ADAMTSL1: variants seen among roughly 807,000 people sequenced by gnomAD.
ADAMTSL1 encodes ADAMTS like 1.
ADAMTSL1 carries 126 observed loss-of-function variants against 201.8 expected under a neutral mutation model. The observed-to-expected ratio is 0.62, with a 90% CI of 0.54 to 0.72. The LOEUF is 0.72. Ranked by LOEUF, ADAMTSL1 falls within the 30% of genes least tolerant of loss-of-function variation. The pLI, the probability that ADAMTSL1 is intolerant of heterozygous loss-of-function variation, is 0.00. For missense variants in ADAMTSL1, 2,679 were observed against 2,277.8 expected, an observed-to-expected ratio of 1.18 and a Z score of -3.59; for synonymous variants, 1,121 against 903.4, an observed-to-expected ratio of 1.24 and a Z score of -4.32.
Position 18,126,922 on chromosome 9 carries a change from A to G in ADAMTSL1, c.88-36940A>G, listed in dbSNP as rs114757642. Among the ~76,000 whole-genome samples the G allele has an allele frequency of 1.9e-3, 290 of 152,302 alleles. 2 individuals carry two copies. Among genetic ancestry groups the G allele is most frequent in the African/African-American group, 6.8e-3 (281 of 41,560 alleles). On this transcript the variant is annotated intron_variant, in intron 1 of 29. Transcript: ENST00000680146. ...TTTCCTACACAACATTTTTTAGTTT[A>G]TCATCGGTGGTAAGCATCATCGTAA...
intron 22 of ADAMTSL1, among the ~76,000 whole-genome samples, chr9:18,828,790 C>G (rs1232379283): frequency 6.7e-6 from 1 of 149,896 alleles, no homozygotes; most frequent in Non-Finnish European, 1.5e-5. Flanking sequence ...CTTTGTCAGT[C>G]AGACAGAAAG....
chr9:18,045,551 A>G (rs534669917), intron 1 of ADAMTSL1, among the ~76,000 whole-genome samples: 1 of 152,284 alleles, frequency 6.6e-6, no homozygotes, highest in East Asian at 1.9e-4. Context: ...ATGCTTATTA[A>G]ATTAGATGAA....
chr9:18,389,918 A>G (rs1157652600), intron 2 of ADAMTSL1, among the ~76,000 whole-genome samples: 1 of 152,134 alleles, frequency 6.6e-6, no homozygotes, highest in Non-Finnish European at 1.5e-5. Context: ...GTCTTTTTAC[A>G]GTGATAAGTC....
intron 23 of ADAMTSL1, among the ~76,000 whole-genome samples, chr9:18,844,484 G>T (rs557234461): frequency 6.6e-6 from 1 of 152,200 alleles, no homozygotes; most frequent in Admixed American, 6.5e-5. Context: ...CGGGGGTCAG[G>T]GGTCAGGGAC....
chr9:18,853,635 A>G (rs777299804), intron 23 of ADAMTSL1, among the ~76,000 whole-genome samples: 12 of 152,208 alleles, frequency 7.9e-5, no homozygotes, highest in Non-Finnish European at 1.5e-4. Flanking sequence ...AGGAAGGGCT[A>G]TTATCATTTA....
chr9:18,693,970 G>T (rs981057086), intron 13 of ADAMTSL1, among the ~76,000 whole-genome samples: 3 of 152,168 alleles, frequency 2.0e-5, no homozygotes, highest in African/African-American at 7.2e-5. Context: ...AGTTCCACAG[G>T]CTGTGCAGGA....
chr9:18,029,749 A>G (rs542213792), intron 1 of ADAMTSL1, among the ~76,000 whole-genome samples: 48 of 152,360 alleles, frequency 3.2e-4, no homozygotes, highest in Non-Finnish European at 6.5e-4. Flanking sequence ...ATATGAATAG[A>G]CACTTCTCAA....
Position 18,494,327 on chromosome 9 carries a change from G to C in ADAMTSL1, c.64-10502G>C, listed in dbSNP as rs1822416329. Among the ~76,000 whole-genome samples, 7 of 150,452 alleles carry C rather than the reference G, an allele frequency of 4.7e-5. No individual in the cohort carries two copies. In the South Asian group the frequency reaches 1.5e-3, roughly 32 times the overall value. ...GCTGAGATCACACGACTGCACTCCAGTCTGGGTGACAGACTGTCTCAAAAA... is the reference window on the plus strand; with the variant it reads ...GCTGAGATCACACGACTGCACTCCACTCTGGGTGACAGACTGTCTCAAAAA... On this transcript the variant is annotated intron_variant, in intron 1 of 28. Transcript: ENST00000380548.
intron 1 of ADAMTSL1, among the ~76,000 whole-genome samples, chr9:17,919,474 C>T (rs1826223681): frequency 1.3e-5 from 2 of 151,902 alleles, no homozygotes; most frequent in Non-Finnish European, 2.9e-5. Flanking sequence ...TTTATATCAC[C>T]CCCTTACTTC....
intron 2 of ADAMTSL1, among the ~76,000 whole-genome samples, chr9:18,200,639 C>A (rs1479738453): frequency 6.6e-6 from 1 of 151,900 alleles, no homozygotes; most frequent in Admixed American, 6.6e-5. Flanking sequence ...ACCTCTCCTG[C>A]TTTTCTCTTT....
intron 5 of ADAMTSL1, 22 bp downstream of exon 5, chr9:18,622,391 G>A (rs995955708): frequency 1.2e-5 from 19 of 1,613,898 alleles, no homozygotes; most frequent in East Asian, 2.2e-5. Context: ...AGAGATGGGC[G>A]ACCTTTGGAC....
At chr9:18,354,777 G>A (rs917732016) in intron 2 of ADAMTSL1, among the ~76,000 whole-genome samples, 3 of 152,116 alleles carry the variant, frequency 2.0e-5, no homozygotes, top group Non-Finnish European at 2.9e-5. Context: ...AGACCAGTCT[G>A]GCCAACGTAT....
chr9:18,366,597 T>C (rs1353402851), intron 2 of ADAMTSL1, among the ~76,000 whole-genome samples: 3 of 149,854 alleles, frequency 2.0e-5, no homozygotes, highest in Non-Finnish European at 4.4e-5. Flanking sequence ...AACACTATTA[T>C]TTAAATGGAT....
chr9:18,729,318 T>A (rs1818077077), intron 15 of ADAMTSL1, among the ~76,000 whole-genome samples: 1 of 152,184 alleles, frequency 6.6e-6, no homozygotes, highest in Non-Finnish European at 1.5e-5. Flanking sequence ...GGAACAATTC[T>A]AATCAGAAAA....
intron 2 of ADAMTSL1, among the ~76,000 whole-genome samples, chr9:18,434,066 A>G (rs1819614714): frequency 6.6e-6 from 1 of 152,242 alleles, no homozygotes; most frequent in African/African-American, 2.4e-5. Flanking sequence ...CCTACACAGG[A>G]AGAATAGCTC....
At chr9:18,889,777 TC>T in intron 25 of ADAMTSL1, 29 bp downstream of exon 25, 7 of 1,425,980 alleles carry the variant, frequency 4.9e-6, no homozygotes, top group Non-Finnish European at 6.4e-6. Context: ...GGCTCAGACC[TC>T]CCCACCCTAG....
intron 14 of ADAMTSL1, among the ~76,000 whole-genome samples, chr9:18,716,326 G>T (rs922671279): frequency 6.6e-6 from 1 of 151,310 alleles, no homozygotes; most frequent in Admixed American, 6.6e-5. Flanking sequence ...GAAAATTTTC[G>T]CAACCTACTC....
chr9:18,519,606 C>T (rs1818562327), intron 2 of ADAMTSL1, among the ~76,000 whole-genome samples: 1 of 152,192 alleles, frequency 6.6e-6, no homozygotes, highest in Admixed American at 6.5e-5. Flanking sequence ...TAAATAATAA[C>T]TTTGATAAGA....
At chr9:18,420,765 G>T (rs1278424664) in intron 2 of ADAMTSL1, among the ~76,000 whole-genome samples, 2 of 152,296 alleles carry the variant, frequency 1.3e-5, no homozygotes, top group Admixed American at 6.5e-5. Context: ...AATCCTTCAA[G>T]ACACTTTAAA....
Sources: allele counts gnomAD v4.1 joint callset (sites outside exome capture counted in the v4.1 genomes callset), GRCh38; gene constraint gnomAD v4.1.1; transcripts MANE v1.5; gene names NCBI Gene and HGNC (gene_info 2026-07-23, HGNC 2026-07-21).